The following TBC1D22A variants were observed in gnomAD, a reference collection of about 807,000 sequenced individuals.
The protein encoded by TBC1D22A is TBC1 domain family member 22A, also known as putative GTPase activator.
TBC1D22A carries 38 observed loss-of-function variants against 60.2 expected under a neutral mutation model. The observed-to-expected ratio is 0.63, with a 90% CI of 0.49 to 0.83. The LOEUF (loss-of-function observed/expected upper bound fraction) is 0.83, where lower values mean the gene tolerates loss of function less well. TBC1D22A is among the 40% of genes least tolerant of loss of function. The probability of loss-of-function intolerance (pLI) is 0.00; values close to 1 mark genes in which losing one functional copy is unlikely to be tolerated. For synonymous variants in TBC1D22A, 302 were observed against 281.7 expected, an observed-to-expected ratio of 1.07 and a Z score of -0.72; for missense variants, 628 against 701.0, an observed-to-expected ratio of 0.90 and a Z score of 1.18.
At position 46,762,911 on chromosome 22, in the gene TBC1D22A, C is replaced by T. The variant is rs1279075480; in HGVS notation, c.62+63C>T. On this transcript the variant is annotated intron_variant, in intron 1 of 12. Transcript: ENST00000337137. ...TCAGAGGTCAGGTGGCCGCGTTGGCCTCCTGGGCTGCGGGTGGAGTCGGGG... is the reference window on the plus strand; with the variant it reads ...TCAGAGGTCAGGTGGCCGCGTTGGCTTCCTGGGCTGCGGGTGGAGTCGGGG... The T allele has an allele frequency of 8.4e-6, 12 of 1,430,256 alleles. No homozygotes were observed. In the East Asian group the frequency reaches 3.0e-4, roughly 36 times the overall value. 88.6% of individuals were successfully genotyped at this position (1,430,256 alleles called of 1,614,324 possible).
At chr22:46,972,777 A>G (rs1175543228) in intron 8 of TBC1D22A, among the ~76,000 whole-genome samples, 1 of 152,140 alleles carries the variant, frequency 6.6e-6, no homozygotes, top group Non-Finnish European at 1.5e-5. Flanking sequence ...ATGGCGGATG[A>G]ATTATCTCTC....
intron 10 of TBC1D22A, among the ~76,000 whole-genome samples, chr22:47,034,484 A>C (rs200708377): frequency 6.6e-6 from 1 of 152,124 alleles, no homozygotes; most frequent in Non-Finnish European, 1.5e-5. Context: ...GATGATGAAG[A>C]GGAGGGGGAG....
chr22:46,789,370 C>A, intron 1 of TBC1D22A: 1 of 456,864 alleles, frequency 2.2e-6, no homozygotes, highest in Admixed American at 2.5e-5. Context: ...CGTGATCCGC[C>A]CGCCTCGGCC....
intron 10 of TBC1D22A, among the ~76,000 whole-genome samples, chr22:47,023,343 C>T (rs568163871): frequency 5.0e-4 from 76 of 152,224 alleles, no homozygotes; most frequent in African/African-American, 1.7e-3. Context: ...AAAAAATGAA[C>T]AGAGTCAGTG....
chr22:47,031,824 A>C (rs367706491), intron 10 of TBC1D22A, among the ~76,000 whole-genome samples: 1 of 151,830 alleles, frequency 6.6e-6, no homozygotes, highest in African/African-American at 2.4e-5. Context: ...CGGCCATTGC[A>C]CTCTGGCTGG....
intron 1 of TBC1D22A, among the ~76,000 whole-genome samples, chr22:46,790,874 G>A (rs2084374736): frequency 6.6e-6 from 1 of 152,084 alleles, no homozygotes; most frequent in African/African-American, 2.4e-5. Flanking sequence ...TCATAGTTGT[G>A]TGCAAATATT....
intron 11 of TBC1D22A, among the ~76,000 whole-genome samples, chr22:47,101,460 G>A (rs962243271): frequency 2.0e-5 from 3 of 152,226 alleles, no homozygotes; most frequent in Non-Finnish European, 4.4e-5. Flanking sequence ...GACCTTGGCC[G>A]GGTCCGAGAC....
chr22:47,000,265 G>A (rs1039007100), intron 10 of TBC1D22A, among the ~76,000 whole-genome samples: 1 of 152,152 alleles, frequency 6.6e-6, no homozygotes, highest in African/African-American at 2.4e-5. Context: ...TCAGGAGCGA[G>A]CAGAGAGCTG....
At chr22:46,809,246 C>T (rs1348251476) in intron 4 of TBC1D22A, among the ~76,000 whole-genome samples, 1 of 152,104 alleles carries the variant, frequency 6.6e-6, no homozygotes. Flanking sequence ...TTCTTCTGTG[C>T]ATGTGTGGGG....
chr22:46,879,800 G>A lies in TBC1D22A; in HGVS notation c.708+1077G>A, dbSNP rs7290336. On this transcript the variant is annotated intron_variant, in intron 5 of 12. Transcript: ENST00000337137. ...GTTTTCTATTTATTAAGGATGTGCC[G>A]TGTCTAGGGGGAAAGTCTCATGTGA... Among the ~76,000 whole-genome samples the A allele has an allele frequency of 1.8e-3, 278 of 152,324 alleles. 1 individual carries two copies. The highest frequency in any genetic ancestry group is 6.6e-3 in the African/African-American group (276 of 41,566).
intron 8 of TBC1D22A, among the ~76,000 whole-genome samples, chr22:46,955,509 TTG>T (rs1200867925): frequency 3.3e-5 from 5 of 152,118 alleles, no homozygotes; most frequent in African/African-American, 1.2e-4. Context: ...ACGTTTTCGT[TTG>T]TGTGTGTGTG....
chr22:46,971,273 G>A lies in TBC1D22A; in HGVS notation c.1016-3017G>A, dbSNP rs1055397409. ...TCCTGCCTGGCTCACGCGGCGCCTG[G>A]CTCTGCGAGTCGGAGCTGCCACAGC... On this transcript the variant is annotated intron_variant, in intron 8 of 12. Coordinates refer to ENST00000337137, the MANE Select transcript of TBC1D22A (RefSeq NM_014346.5). Among the ~76,000 whole-genome samples the A allele has an allele frequency of 3.9e-5, 6 of 152,314 alleles. No individual in the cohort carries two copies. In the East Asian group the frequency reaches 1.2e-3, roughly 29 times the overall value.
intron 5 of TBC1D22A, among the ~76,000 whole-genome samples, chr22:46,880,408 G>A (rs562405048): frequency 1.3e-5 from 2 of 152,302 alleles, no homozygotes; most frequent in South Asian, 4.1e-4. Flanking sequence ...TCTAGCTTGA[G>A]TTTTTTATAG....
chr22:46,998,958 C>T (rs1284805879), intron 10 of TBC1D22A, among the ~76,000 whole-genome samples: 1 of 152,238 alleles, frequency 6.6e-6, no homozygotes, highest in Non-Finnish European at 1.5e-5. Context: ...CAAGCATTCC[C>T]CAGCCTCACT....
chr22:47,152,639 C>A (rs2147178107), intron 12 of TBC1D22A, among the ~76,000 whole-genome samples: 1 of 152,382 alleles, frequency 6.6e-6, no homozygotes, highest in African/African-American at 2.4e-5. Context: ...GCTCTCCTTG[C>A]TTATGAGATG....
intron 4 of TBC1D22A, among the ~76,000 whole-genome samples, chr22:46,848,562 C>T (rs758675306): frequency 6.6e-6 from 1 of 152,242 alleles, no homozygotes; most frequent in Non-Finnish European, 1.5e-5. Context: ...GCCCCTCTGT[C>T]AGTGCCTTAG....
At chr22:46,978,769 C>G (rs909798468) in intron 9 of TBC1D22A, among the ~76,000 whole-genome samples, 1 of 152,066 alleles carries the variant, frequency 6.6e-6, no homozygotes, top group Non-Finnish European at 1.5e-5. Context: ...CCACCATGCC[C>G]GGGTAATTTT....
At chr22:46,863,622 A>G (rs936008102) in intron 4 of TBC1D22A, among the ~76,000 whole-genome samples, 2 of 152,136 alleles carry the variant, frequency 1.3e-5, no homozygotes, top group Admixed American at 6.5e-5. Context: ...CCCAATTAGG[A>G]TTTAATTAGA....
intron 10 of TBC1D22A, among the ~76,000 whole-genome samples, chr22:47,029,135 A>C (rs752492373): frequency 4.1e-5 from 6 of 145,952 alleles, no homozygotes; most frequent in Non-Finnish European, 6.0e-5. Context: ...GTGGAGAATC[A>C]TGGGACGAAA....
Sources: allele counts gnomAD v4.1 joint callset (sites outside exome capture counted in the v4.1 genomes callset), GRCh38; gene constraint gnomAD v4.1.1; transcripts MANE v1.5; gene names NCBI Gene and HGNC (gene_info 2026-07-23, HGNC 2026-07-21).